ATL3: variants seen among roughly 807,000 people sequenced by gnomAD.
The protein encoded by ATL3 is atlastin GTPase 3.
ATL3 carries 49 observed loss-of-function variants against 69.5 expected under a neutral mutation model. The observed-to-expected ratio is 0.71, with a 90% CI of 0.56 to 0.89. The LOEUF (loss-of-function observed/expected upper bound fraction) is 0.89. Among genes scored for constraint, ATL3 ranks in the 40% least tolerant of loss-of-function variants. ATL3 has a pLI of 0.00. For missense variants in ATL3, 606 were observed against 645.7 expected (o/e 0.94, Z 0.67); for synonymous variants, 214 against 224.1 (o/e 0.95, Z 0.40).
At chr11:63,642,983 T>C (rs1939748203) in intron 8 of ATL3, among the ~76,000 whole-genome samples, 1 of 152,226 alleles carries the variant, frequency 6.6e-6, no homozygotes, top group South Asian at 2.1e-4. Context: ...TAATCACAAA[T>C]AAGATGAAAA....
At position 63,628,392 on chromosome 11, in the gene ATL3, G is replaced by A. The variant is rs944169016; in HGVS notation, c.*927C>T. 2 of 151,530 alleles carry A rather than the reference G, an allele frequency of 1.3e-5. No homozygotes were observed. The highest frequency in any genetic ancestry group is 2.9e-5 in the Non-Finnish European group (2 of 67,976). 9.4% of individuals were successfully genotyped at this position (151,530 alleles called of 1,614,324 possible). A position where few individuals can be genotyped will look rare whatever the true frequency, so the allele number is the denominator to read the frequency against. On this transcript the variant is annotated 3_prime_UTR_variant, in exon 13 of 13. Coordinates refer to ENST00000398868, the MANE Select transcript of ATL3 (RefSeq NM_015459.5). ...CTGGGTAAAAACCTCACATTTCAGA[G>A]TATGGTATATTTAAATATGACATGA...
intron 1 of ATL3, among the ~76,000 whole-genome samples, chr11:63,664,743 G>C (rs1232723435): frequency 6.6e-6 from 1 of 151,142 alleles, no homozygotes; most frequent in East Asian, 2.0e-4. Context: ...GAGCAGCTGG[G>C]ACCACAGGCA....
intron 3 of ATL3, among the ~76,000 whole-genome samples, chr11:63,657,880 G>A (rs973823501): frequency 7.6e-5 from 11 of 144,980 alleles, no homozygotes; most frequent in Non-Finnish European, 1.0e-4. Context: ...TTTTTGAGAC[G>A]GAGTCTCGTA....
Position 63,629,129 on chromosome 11 carries a change from A to G in ATL3, c.*190T>C, listed in dbSNP as rs1939217862. 5 of 566,870 alleles carry G rather than the reference A, an allele frequency of 8.8e-6. No homozygotes were observed. Among genetic ancestry groups the G allele is most frequent in the Non-Finnish European group, 1.6e-5 (5 of 314,286 alleles). The allele number at this position is 566,870 out of a possible 1,614,324, so 35.1% of individuals were successfully genotyped here. A position where few individuals can be genotyped will look rare whatever the true frequency, so the allele number is the denominator to read the frequency against. On this transcript the variant is annotated 3_prime_UTR_variant, in exon 13 of 13. Coordinates refer to ENST00000398868, the MANE Select transcript of ATL3 (RefSeq NM_015459.5). ...AGCAAGGAAAAGAAATGCTTCCAAG[A>G]GAAATGGAAGTGTGTTTAATAATTT...
chr11:63,628,592 G>T lies in ATL3; in HGVS notation c.*727C>A, dbSNP rs768108321. The stretch of plus-strand genomic sequence containing the variant: ...CACGCCTGTAATCCCAGCACTTTGG[G>T]AGGCCAAGGCGGGCAGGCGGATCAC... On this transcript the variant is annotated 3_prime_UTR_variant, in exon 13 of 13. Coordinates refer to ENST00000398868, the MANE Select transcript of ATL3 (RefSeq NM_015459.5). 1.3e-5 allele frequency: 2 copies of T among 152,092 alleles called. No individual in the cohort carries two copies. The highest frequency in any genetic ancestry group is 2.9e-5 in the Non-Finnish European group (2 of 68,054). The allele number at this position is 152,092 out of a possible 1,614,324, so 9.4% of individuals were successfully genotyped here. A position where few individuals can be genotyped will look rare whatever the true frequency, so the allele number is the denominator to read the frequency against.
intron 3 of ATL3, among the ~76,000 whole-genome samples, chr11:63,657,933 T>C: frequency 6.7e-6 from 1 of 150,220 alleles, no homozygotes; most frequent in Non-Finnish European, 1.5e-5. Flanking sequence ...CTCGGCTCAC[T>C]GCAACCTCTG....
At position 63,658,887 on chromosome 11, in the gene ATL3, T is replaced by C. The variant is rs759395802; in HGVS notation, c.279A>G (p.Ser93=). 1.9e-6 allele frequency: 3 copies of C among 1,603,714 alleles called. No homozygotes were observed. The African/African-American group carries it at 4.0e-5, about 22-fold the overall frequency. Residue 93 remains serine (S), a synonymous_variant, in exon 3 of 13, where the codon TCA becomes TCG. Transcript: ENST00000398868. ...GTTCTTCTGGGTCACCCAACCAATT[T>C]GAATGGCCACTTTCCTTCTACAGAA... is the stretch of plus-strand genomic sequence containing the variant. ...YLYSQKESGH[S]NWLGDPEEPL... is the part of the protein sequence containing the mutation.
chr11:63,649,479 T>A (rs186252417), intron 5 of ATL3, among the ~76,000 whole-genome samples: 1 of 152,140 alleles, frequency 6.6e-6, no homozygotes, highest in African/African-American at 2.4e-5. Context: ...ATTTAATCTA[T>A]CTGGTCTATC....
intron 1 of ATL3, among the ~76,000 whole-genome samples, chr11:63,664,541 TA>T (rs1003965661): frequency 6.7e-6 from 1 of 150,358 alleles, no homozygotes; most frequent in Non-Finnish European, 1.5e-5. Context: ...CTCTGTCTTT[TA>T]AAAAAAAGCG....
chr11:63,636,195 A>G lies in ATL3; in HGVS notation c.978+12T>C. Reference sequence around the variant, plus strand: ...AAAATCAAACATTTTAATAACTAAAACCCATATTTACCTTAAAATACTCCA... The same window carrying G: ...AAAATCAAACATTTTAATAACTAAAGCCCATATTTACCTTAAAATACTCCA... On this transcript the variant is annotated intron_variant, in intron 9 of 12. Coordinates refer to ENST00000398868, the MANE Select transcript of ATL3 (RefSeq NM_015459.5). 6.2e-7 allele frequency: 1 copy of G among 1,606,812 alleles called. No individual in the cohort carries two copies. The highest frequency in any genetic ancestry group is 8.5e-7 in the Non-Finnish European group (1 of 1,178,016).
chr11:63,645,842 A>C (rs989809096), intron 6 of ATL3, among the ~76,000 whole-genome samples: 1 of 151,536 alleles, frequency 6.6e-6, no homozygotes, highest in African/African-American at 2.4e-5. Flanking sequence ...ACCTCGGCTC[A>C]CTGTAACCTT....
rs541380348 is a variant in ATL3 at position 63,626,898 on chromosome 11, T to C, written c.*2421A>G. 6.7e-6 allele frequency: 1 copy of C among 150,350 alleles called. No homozygotes were observed. The highest frequency in any genetic ancestry group is 6.6e-5 in the Admixed American group (1 of 15,150). The allele number at this position is 150,350 out of a possible 1,614,324, so 9.3% of individuals were successfully genotyped here. ...GGCCAAAGAAAACTCTTAAGAACCC[T>C]CACTGAGAAAACTTTATAAAACACT... On this transcript the variant is annotated 3_prime_UTR_variant, in exon 13 of 13. Transcript: ENST00000398868.
At chr11:63,667,691 G>C (rs552209975) in intron 1 of ATL3, among the ~76,000 whole-genome samples, 1 of 151,464 alleles carries the variant, frequency 6.6e-6, no homozygotes, top group African/African-American at 2.4e-5. Context: ...TTGAACTTGG[G>C]AGATGGAGGC....
intron 3 of ATL3, among the ~76,000 whole-genome samples, chr11:63,654,149 GTTT>G (rs1178233786): frequency 2.2e-5 from 3 of 138,502 alleles, no homozygotes. Flanking sequence ...GATACAATTT[GTTT>G]TTTTTTTTTT....
At chr11:63,651,826 C>T in intron 5 of ATL3, 110 bp downstream of exon 5, 1 of 1,424,522 alleles carries the variant, frequency 7.0e-7, no homozygotes, top group Non-Finnish European at 9.2e-7. Flanking sequence ...GAACCAAAAA[C>T]CTTCCTCTAC....
chr11:63,655,419 G>T (rs1388209592), intron 3 of ATL3, among the ~76,000 whole-genome samples: 1 of 149,616 alleles, frequency 6.7e-6, no homozygotes, highest in Non-Finnish European at 1.5e-5. Context: ...CCAAAGTGCT[G>T]GGAATACAGG....
intron 3 of ATL3, among the ~76,000 whole-genome samples, chr11:63,657,117 G>C (rs1940277753): frequency 6.6e-6 from 1 of 150,844 alleles, no homozygotes; most frequent in Non-Finnish European, 1.5e-5. Context: ...GGCTGAGGCA[G>C]GAGAATTGCT....
At chr11:63,642,595 C>A (rs1156844684) in intron 8 of ATL3, among the ~76,000 whole-genome samples, 1 of 152,192 alleles carries the variant, frequency 6.6e-6, no homozygotes, top group South Asian at 2.1e-4. Context: ...TCACCACTTA[C>A]TTAACTAGCT....
chr11:63,635,551 G>A lies in ATL3; in HGVS notation c.1018C>T (p.Pro340Ser). The stretch of plus-strand genomic sequence containing the variant: ...TTGTTTACCTGAAGCATGGACTTGG[G>A]GTGAGGCAGATCTTCTCCTTGATAA... ...KIYQGEDLPH[P>S]KSMLQATAEA... Residue 340 changes from proline to serine, a missense_variant, in exon 10 of 13, where the codon CCC (proline) becomes TCC (serine). Transcript: ENST00000398868. 1 of 1,612,274 alleles carries A rather than the reference G, an allele frequency of 6.2e-7. No homozygotes were observed. The highest frequency in any genetic ancestry group is 8.5e-7 in the Non-Finnish European group (1 of 1,178,606).
Sources: allele counts gnomAD v4.1 joint callset (sites outside exome capture counted in the v4.1 genomes callset), GRCh38; gene constraint gnomAD v4.1.1; transcripts MANE v1.5; gene names NCBI Gene and HGNC (gene_info 2026-07-23, HGNC 2026-07-21).